Variants in WWOX observed in about 807,000 individuals in gnomAD.
WWOX encodes the protein WW domain-containing oxidoreductase.
In WWOX, 69 loss-of-function variants were observed where a neutral mutation model predicts 46.2. That is an observed-to-expected ratio of 1.49 (90% CI 1.23 to 1.82). The LOEUF is 1.82. Among genes scored for constraint, WWOX ranks in the 40% most tolerant of loss-of-function variants. The pLI, the probability that WWOX is intolerant of heterozygous loss-of-function variation, is 0.00. For missense variants in WWOX, 919 were observed against 542.6 expected (o/e 1.69, Z -6.89); for synonymous variants, 359 against 202.6 (o/e 1.77, Z -6.56).
At chr16:79,113,203 A>G (rs2049450268) in intron 8 of WWOX, among the ~76,000 whole-genome samples, 1 of 152,164 alleles carries the variant, frequency 6.6e-6, no homozygotes. Flanking sequence ...GGGCAGAGGC[A>G]TTTTCCCAGG....
chr16:78,579,451 G>T (rs551970675), intron 8 of WWOX, among the ~76,000 whole-genome samples: 5 of 152,224 alleles, frequency 3.3e-5, no homozygotes, highest in African/African-American at 1.2e-4. Flanking sequence ...TCATGGGAGG[G>T]GAGGAGCGTG....
intron 5 of WWOX, among the ~76,000 whole-genome samples, chr16:78,280,551 G>C (rs2079658129): frequency 6.6e-6 from 1 of 151,834 alleles, no homozygotes; most frequent in African/African-American, 2.4e-5. Context: ...GGTACAGGAA[G>C]CATAGCGGCT....
chr16:78,337,241 C>T (rs749855867), intron 5 of WWOX, among the ~76,000 whole-genome samples: 1 of 152,086 alleles, frequency 6.6e-6, no homozygotes, highest in African/African-American at 2.4e-5. Flanking sequence ...GGTAGGAATC[C>T]TGCAGACAGA....
intron 8 of WWOX, among the ~76,000 whole-genome samples, chr16:78,617,576 G>A (rs2046058412): frequency 6.6e-6 from 1 of 152,150 alleles, no homozygotes; most frequent in Non-Finnish European, 1.5e-5. Context: ...ACGTGCTTGT[G>A]TGTGTTCTGA....
chr16:78,436,947 G>A (rs577225753), intron 8 of WWOX, among the ~76,000 whole-genome samples: 2 of 152,184 alleles, frequency 1.3e-5, no homozygotes, highest in African/African-American at 4.8e-5. Flanking sequence ...CATTTCTTCC[G>A]TAGGTAAAGG....
intron 8 of WWOX, among the ~76,000 whole-genome samples, chr16:78,715,242 C>G (rs941000263): frequency 1.5e-4 from 22 of 146,494 alleles, no homozygotes; most frequent in African/African-American, 4.4e-4. Flanking sequence ...CTAACTGTAA[C>G]ACACAGAGCT....
At chr16:78,739,481 A>G (rs981292252) in intron 8 of WWOX, among the ~76,000 whole-genome samples, 1 of 152,118 alleles carries the variant, frequency 6.6e-6, no homozygotes, top group South Asian at 2.1e-4. Flanking sequence ...GGGTTGGGTG[A>G]CAACAGGTCG....
chr16:78,626,215 C>A (rs1314128889), intron 8 of WWOX, among the ~76,000 whole-genome samples: 1 of 151,986 alleles, frequency 6.6e-6, no homozygotes, highest in African/African-American at 2.4e-5. Flanking sequence ...ACTGCAACCT[C>A]CGCCTCGCAG....
intron 8 of WWOX, among the ~76,000 whole-genome samples, chr16:78,800,006 TC>T (rs2050844801): frequency 6.6e-6 from 1 of 152,150 alleles, no homozygotes; most frequent in African/African-American, 2.4e-5. Context: ...CTTTTTTCTC[TC>T]CTTCCCCATT....
chr16:78,895,891 C>G (rs1275941366), intron 8 of WWOX: 1 of 152,164 alleles, frequency 6.6e-6, no homozygotes, highest in African/African-American at 2.4e-5. Context: ...CTCAGTCATT[C>G]TTTCGTATTA....
chr16:79,051,643 C>A (rs1247254227), intron 8 of WWOX, among the ~76,000 whole-genome samples: 1 of 152,160 alleles, frequency 6.6e-6, no homozygotes, highest in Non-Finnish European at 1.5e-5. Context: ...TTAGTGTTAT[C>A]CTTTCATGCC....
At chr16:78,862,673 C>A (rs149985409) in intron 8 of WWOX, among the ~76,000 whole-genome samples, 1 of 152,090 alleles carries the variant, frequency 6.6e-6, no homozygotes, top group Non-Finnish European at 1.5e-5. Flanking sequence ...ATATCCAAGT[C>A]TGAGTCCAAG....
At chr16:79,075,415 T>C (rs1255910576) in intron 8 of WWOX, among the ~76,000 whole-genome samples, 1 of 152,248 alleles carries the variant, frequency 6.6e-6, no homozygotes, top group East Asian at 1.9e-4. Context: ...TTCTGTCTTT[T>C]TCCCCTATAC....
At chr16:78,795,628 C>T (rs1432913776) in intron 8 of WWOX, among the ~76,000 whole-genome samples, 1 of 152,206 alleles carries the variant, frequency 6.6e-6, no homozygotes, top group Non-Finnish European at 1.5e-5. Context: ...ATGGAACACT[C>T]ATGTATAATT....
chr16:78,734,752 A>G (rs1488633101), intron 8 of WWOX, among the ~76,000 whole-genome samples: 2 of 148,934 alleles, frequency 1.3e-5, no homozygotes, highest in Non-Finnish European at 3.0e-5. Flanking sequence ...GCTTCGTCTC[A>G]TCAGCTGAAG....
chr16:79,055,706 A>T (rs142141566), intron 8 of WWOX, among the ~76,000 whole-genome samples: 252 of 152,340 alleles, frequency 1.7e-3, no homozygotes, highest in African/African-American at 5.9e-3. Flanking sequence ...AAGGGCAATA[A>T]ATTATGAATA....
At chr16:78,751,853 T>TA (rs2049488877) in intron 8 of WWOX, among the ~76,000 whole-genome samples, 1 of 151,578 alleles carries the variant, frequency 6.6e-6, no homozygotes, top group Non-Finnish European at 1.5e-5. Context: ...GGAGGGAAGG[T>TA]AAGAAAGAAA....
intron 8 of WWOX, among the ~76,000 whole-genome samples, chr16:78,870,786 G>C (rs1463151631): frequency 2.6e-5 from 4 of 152,192 alleles, no homozygotes; most frequent in African/African-American, 9.7e-5. Flanking sequence ...TATTTTAGTA[G>C]AGACGGGTTT....
At chr16:78,954,329 GGGATGGATGGTT>G (rs1444311654) in intron 8 of WWOX, among the ~76,000 whole-genome samples, 1 of 151,522 alleles carries the variant, frequency 6.6e-6, no homozygotes, top group Admixed American at 6.6e-5. Flanking sequence ...GATGGATGGA[GGGATGGATGGTT>G]GGATGGTTGG....
Sources: allele counts gnomAD v4.1 joint callset (sites outside exome capture counted in the v4.1 genomes callset), GRCh38; gene constraint gnomAD v4.1.1; transcripts MANE v1.5; gene names NCBI Gene and HGNC (gene_info 2026-07-23, HGNC 2026-07-21).